CAPRIN1: variants seen among roughly 807,000 people sequenced by gnomAD.
CAPRIN1 encodes cell cycle associated protein 1.
Under a neutral mutation model 100.9 loss-of-function variants are expected in CAPRIN1, and 29 were observed. That is an observed-to-expected ratio of 0.29 (90% CI 0.21 to 0.39). The LOEUF (loss-of-function observed/expected upper bound fraction) is 0.39, where lower values mean the gene tolerates loss of function less well. Among genes scored for constraint, CAPRIN1 ranks in the 10% least tolerant of loss-of-function variants. The probability of loss-of-function intolerance (pLI) is 1.00; values close to 1 mark genes in which losing one functional copy is unlikely to be tolerated. For synonymous variants in CAPRIN1, 338 were observed against 307.5 expected (o/e 1.10, Z -1.04); for missense variants, 795 against 876.7 (o/e 0.91, Z 1.18).
intron 7 of CAPRIN1, among the ~76,000 whole-genome samples, chr11:34,081,670 G>A (rs1344357487): frequency 1.3e-5 from 2 of 151,798 alleles, no homozygotes; most frequent in African/African-American, 4.8e-5. Flanking sequence ...AGTTTTTTTT[G>A]TATCTTTAGT....
At chr11:34,059,914 G>A (rs573313164) in intron 2 of CAPRIN1, among the ~76,000 whole-genome samples, 1 of 148,160 alleles carries the variant, frequency 6.7e-6, no homozygotes, top group Non-Finnish European at 1.5e-5. Flanking sequence ...CTGGGTAGCA[G>A]GCTGGGCATG....
chr11:34,076,018 A>T, intron 4 of CAPRIN1, among the ~76,000 whole-genome samples: 1 of 152,206 alleles, frequency 6.6e-6, no homozygotes, highest in East Asian at 1.9e-4. Flanking sequence ...GTTCAGTAGT[A>T]AAATACCTTC....
In CAPRIN1 at chr11:34,101,000, C is replaced by T. The variant is rs1367265542; in HGVS notation, c.*1633C>T. On this transcript the variant is annotated 3_prime_UTR_variant, in exon 19 of 19. Transcript: ENST00000341394. ...ATTTAAAAACAAAACTATTCTCAAACATTCATCATTAGACAACTGGAGTTT... is the reference window on the plus strand; with the variant it reads ...ATTTAAAAACAAAACTATTCTCAAATATTCATCATTAGACAACTGGAGTTT... 2 of 152,636 alleles carry T rather than the reference C, an allele frequency of 1.3e-5. No homozygotes were observed. Among genetic ancestry groups the T allele is most frequent in the Admixed American group, 6.5e-5 (1 of 15,274 alleles). 9.5% of individuals were successfully genotyped at this position (152,636 alleles called of 1,614,324 possible). A position where few individuals can be genotyped will look rare whatever the true frequency, so the allele number is the denominator to read the frequency against.
intron 1 of CAPRIN1, 139 bp from the exon 2 acceptor site, chr11:34,052,282 C>T (rs1462294524): frequency 4.2e-6 from 3 of 708,286 alleles, no homozygotes; most frequent in Non-Finnish European, 6.9e-6. Flanking sequence ...CCTCGAGGCG[C>T]GCCGCGCCCC....
intron 2 of CAPRIN1, among the ~76,000 whole-genome samples, chr11:34,055,313 G>A (rs1342905759): frequency 2.0e-5 from 3 of 151,474 alleles, no homozygotes; most frequent in East Asian, 3.9e-4. Flanking sequence ...ACAAGTGTGC[G>A]CCACCACCCC....
In CAPRIN1 at chr11:34,071,728, T is replaced by G; in HGVS notation, c.219T>G (p.Gly73=). Residue 73 remains glycine (G), a splice_region_variant and synonymous_variant, in exon 3 of 19, where the codon GGT becomes GGG. Transcript: ENST00000341394. The part of the protein sequence containing the change: ...KKLRNLEKKK[G]KLDDYQERMN... ...TTCTTTTTTTTCTTTTAACATAGGG[T>G]AAGCTTGATGATTACCAGGAACGAA... The G allele has an allele frequency of 6.2e-7, 1 of 1,608,836 alleles. No homozygotes were observed. The highest frequency in any genetic ancestry group is 8.5e-7 in the Non-Finnish European group (1 of 1,175,392).
chr11:34,078,241 T>A (rs1475676400), intron 6 of CAPRIN1, among the ~76,000 whole-genome samples: 1 of 152,238 alleles, frequency 6.6e-6, no homozygotes, highest in Non-Finnish European at 1.5e-5. Context: ...GTTCATTATC[T>A]AAAGAGTTGT....
At chr11:34,075,364 A>G (rs1054795780) in intron 4 of CAPRIN1, among the ~76,000 whole-genome samples, 4 of 152,208 alleles carry the variant, frequency 2.6e-5, no homozygotes, top group African/African-American at 4.8e-5. Context: ...TGAGAAGACT[A>G]GCCTTCCTCT....
At chr11:34,054,627 C>T (rs1044022206) in intron 2 of CAPRIN1, among the ~76,000 whole-genome samples, 4 of 152,134 alleles carry the variant, frequency 2.6e-5, no homozygotes, top group African/African-American at 9.7e-5. Context: ...CAGGGTTTCA[C>T]CCTGTTGGCC....
In CAPRIN1 at chr11:34,090,309, C is replaced by G. The variant is rs1370964338; in HGVS notation, c.1404+20C>G. 1 of 1,518,330 alleles carries G rather than the reference C, an allele frequency of 6.6e-7. No individual in the cohort carries two copies. Among genetic ancestry groups the G allele is most frequent in the South Asian group, 1.1e-5 (1 of 88,790 alleles). The allele number at this position is 1,518,330 out of a possible 1,614,324, so 94.1% of individuals were successfully genotyped here. ...ATTCAGGCAAGTTCTGTTACCGGGTCACATACATTTGATGAGGCACTTACT... is the reference window on the plus strand; with the variant it reads ...ATTCAGGCAAGTTCTGTTACCGGGTGACATACATTTGATGAGGCACTTACT... On this transcript the variant is annotated intron_variant, in intron 13 of 18. Transcript: ENST00000341394.
At position 34,052,433 on chromosome 11, in the gene CAPRIN1, A is replaced by G. The variant is rs762429985; in HGVS notation, c.13A>G (p.Thr5Ala). The G allele has an allele frequency of 6.2e-7, 1 of 1,605,754 alleles. No individual in the cohort carries two copies. Among genetic ancestry groups the G allele is most frequent in the Non-Finnish European group, 8.5e-7 (1 of 1,178,388 alleles). The change falls in exon 2 of 19, where the codon ACC becomes GCC. Residue 5 changes from threonine (T) to alanine (A), a missense_variant. Physicochemically the swap from Thr to Ala is moderately conservative, Grantham distance 58. Transcript: ENST00000341394. ...TTGCGGTCTGAAGATGCCCTCGGCCACCAGCCACAGCGGGAGCGGCAGCAA... is the reference window on the plus strand; with the variant it reads ...TTGCGGTCTGAAGATGCCCTCGGCCGCCAGCCACAGCGGGAGCGGCAGCAA... MPSA[T>A]SHSGSGSKSS... is the part of the protein sequence containing the mutation.
At chr11:34,071,833 T>C (rs1156530733) in intron 3 of CAPRIN1, 45 bp downstream of exon 3, 1 of 1,587,416 alleles carries the variant, frequency 6.3e-7, no homozygotes, top group Non-Finnish European at 8.6e-7. Context: ...GCTCACTATT[T>C]TAAAGACAAA....
chr11:34,097,632 G>A lies in CAPRIN1; in HGVS notation c.2002-66G>A, dbSNP rs975366151. 2.3e-5 allele frequency: 37 copies of A among 1,583,352 alleles called. No homozygotes were observed. In the African/African-American group the frequency reaches 4.3e-4, roughly 18 times the overall value. ...AGAATTCTGTATTGAGTGTTAGACT[G>A]AAAGAATAGATGGGTAAGCATTTTT... On this transcript the variant is annotated intron_variant, in intron 17 of 18. Coordinates refer to ENST00000341394, the MANE Select transcript of CAPRIN1 (RefSeq NM_005898.5).
At chr11:34,061,946 G>A (rs1018994271) in intron 2 of CAPRIN1, among the ~76,000 whole-genome samples, 2 of 138,310 alleles carry the variant, frequency 1.4e-5, no homozygotes, top group Non-Finnish European at 3.1e-5. Context: ...CTCCAGCATG[G>A]GTGACACAGC....
intron 18 of CAPRIN1, 70 bp downstream of exon 18, chr11:34,097,831 T>A: frequency 6.2e-7 from 1 of 1,612,518 alleles, no homozygotes. Flanking sequence ...GAGCTGTTAA[T>A]AGTCTGCATG....
At chr11:34,092,841 T>C (rs975112404) in intron 15 of CAPRIN1, among the ~76,000 whole-genome samples, 1 of 152,092 alleles carries the variant, frequency 6.6e-6, no homozygotes, top group Non-Finnish European at 1.5e-5. Context: ...GTCACGATAG[T>C]AATGTAGGTA....
At chr11:34,071,644 A>G (rs1421914086) in intron 2 of CAPRIN1, 82 bp from the exon 3 acceptor site, 1 of 913,784 alleles carries the variant, frequency 1.1e-6, no homozygotes, top group African/African-American at 1.7e-5. Context: ...AACTTAGAGG[A>G]TTGTGAGGGT....
At chr11:34,098,223 A>G in intron 18 of CAPRIN1, 1 of 992,770 alleles carries the variant, frequency 1.0e-6, no homozygotes, top group African/African-American at 1.7e-5. Context: ...ACATTTAGAG[A>G]ACCATTTAGA....
chr11:34,055,402 A>G (rs1395675760), intron 2 of CAPRIN1, among the ~76,000 whole-genome samples: 4 of 152,094 alleles, frequency 2.6e-5, no homozygotes, highest in Non-Finnish European at 5.9e-5. Flanking sequence ...GGTTCACTGC[A>G]ACCTCCGCCT....
Sources: gnomAD v4.1 joint callset for allele counts (sites outside exome capture counted in the v4.1 genomes callset) on GRCh38, gnomAD v4.1.1 for gene constraint, MANE v1.5 for transcripts, NCBI Gene and HGNC (gene_info 2026-07-23, HGNC 2026-07-21) for gene names.